The following EIF2B3 variants were observed in gnomAD, a reference collection of about 807,000 sequenced individuals.
The protein encoded by EIF2B3 is eukaryotic translation initiation factor 2B subunit gamma, also known as translation initiation factor eIF2B subunit gamma.
Under a neutral mutation model 54.1 loss-of-function variants are expected in EIF2B3, and 20 were observed. The observed-to-expected ratio is 0.37, with a 90% CI of 0.26 to 0.54. EIF2B3 has a LOEUF of 0.54. EIF2B3 is among the 20% of genes least tolerant of loss of function. The pLI is 0.86. For synonymous variants in EIF2B3, 153 were observed against 188.1 expected (o/e 0.81, Z 1.52); for missense variants, 448 against 547.8 (o/e 0.82, Z 1.82).
intron 8 of EIF2B3, among the ~76,000 whole-genome samples, chr1:44,877,218 A>AAAC (rs1655221638): frequency 6.7e-6 from 1 of 150,232 alleles, no homozygotes; most frequent in Non-Finnish European, 1.5e-5. Context: ...AAAAAAAAAA[A>AAAC]AAAACACCTT....
chr1:44,920,975 C>T (rs576384354), intron 5 of EIF2B3, among the ~76,000 whole-genome samples: 138 of 152,264 alleles, frequency 9.1e-4, no homozygotes, highest in African/African-American at 3.2e-3. Flanking sequence ...AAACTGTTCT[C>T]CATAGTGGCT....
intron 10 of EIF2B3, among the ~76,000 whole-genome samples, chr1:44,861,266 G>GTT (rs1188032834): frequency 5.9e-5 from 9 of 152,292 alleles, no homozygotes; most frequent in African/African-American, 2.2e-4. Context: ...CTCCAAAAGG[G>GTT]GTAATAGGGA....
intron 3 of EIF2B3, among the ~76,000 whole-genome samples, chr1:44,946,923 G>A (rs1644108933): frequency 6.6e-6 from 1 of 152,190 alleles, no homozygotes; most frequent in Admixed American, 6.5e-5. Context: ...TTTTGATCAT[G>A]TGTGACCACA....
At chr1:44,855,828 AT>A (rs1168966203) in intron 11 of EIF2B3, among the ~76,000 whole-genome samples, 2 of 152,126 alleles carry the variant, frequency 1.3e-5, no homozygotes, top group Non-Finnish European at 2.9e-5. Flanking sequence ...AAGTGCTAGG[AT>A]TACAGGTGTG....
rs1654245941 is a variant in EIF2B3, at chr1:44,850,807, T to A, written c.*144A>T. The A allele has an allele frequency of 1.2e-6, 1 of 856,410 alleles. No homozygotes were observed. The highest frequency in any genetic ancestry group is 2.5e-5 in the East Asian group (1 of 40,350). 53.1% of individuals were successfully genotyped at this position (856,410 alleles called of 1,614,324 possible). A position where few individuals can be genotyped will look rare whatever the true frequency, so the allele number is the denominator to read the frequency against. On this transcript the variant is annotated 3_prime_UTR_variant, in exon 12 of 12. Transcript: ENST00000360403. ...GTGTACACCTGGAGCCCACCTGACA[T>A]GGAGCTTTGGACTGCTCCACAAGTC...
intron 3 of EIF2B3, among the ~76,000 whole-genome samples, chr1:44,945,598 A>G (rs1644092781): frequency 6.6e-6 from 1 of 152,130 alleles, no homozygotes; most frequent in East Asian, 1.9e-4. Context: ...TAGGAAAAAA[A>G]AAAACCCTAC....
At chr1:44,910,779 CCT>C (rs1643499021) in intron 5 of EIF2B3, among the ~76,000 whole-genome samples, 2 of 151,872 alleles carry the variant, frequency 1.3e-5, no homozygotes, top group Admixed American at 6.6e-5. Context: ...CCACACCCAG[CCT>C]CTCTCTCAGA....
chr1:44,915,078 C>A (rs1643594588), intron 5 of EIF2B3, among the ~76,000 whole-genome samples: 1 of 151,596 alleles, frequency 6.6e-6, no homozygotes, highest in Non-Finnish European at 1.5e-5. Context: ...GCAGGTAGAT[C>A]ATTTGAGGTC....
intron 4 of EIF2B3, among the ~76,000 whole-genome samples, chr1:44,934,571 C>A (rs1489962555): frequency 6.6e-6 from 1 of 151,244 alleles, no homozygotes; most frequent in Non-Finnish European, 1.5e-5. Flanking sequence ...CAGTGGTGAT[C>A]CCAGCTCACT....
At chr1:44,918,558 T>G (rs1055298336) in intron 5 of EIF2B3, among the ~76,000 whole-genome samples, 11 of 151,942 alleles carry the variant, frequency 7.2e-5, no homozygotes, top group Non-Finnish European at 1.5e-5. Flanking sequence ...CCCGGCTAAT[T>G]TTTTGTATTT....
chr1:44,931,803 C>A (rs1016313649), intron 4 of EIF2B3, among the ~76,000 whole-genome samples: 2 of 152,196 alleles, frequency 1.3e-5, no homozygotes, highest in Admixed American at 1.3e-4. Context: ...CTTTCTCAAT[C>A]TGATAACAAG....
intron 5 of EIF2B3, chr1:44,925,152 T>C (rs902881446): frequency 6.6e-6 from 1 of 152,184 alleles, no homozygotes; most frequent in African/African-American, 2.4e-5. Flanking sequence ...ATCATAGTTC[T>C]CTACCATATG....
intron 3 of EIF2B3, among the ~76,000 whole-genome samples, chr1:44,954,022 G>A (rs1275509104): frequency 2.0e-5 from 3 of 152,088 alleles, no homozygotes; most frequent in Non-Finnish European, 4.4e-5. Flanking sequence ...CAATAAGAAA[G>A]TGATCCTGCT....
chr1:44,880,140 T>C, intron 7 of EIF2B3, 132 bp from the exon 8 acceptor site: 1 of 962,230 alleles, frequency 1.0e-6, no homozygotes, highest in Non-Finnish European at 1.6e-6. Flanking sequence ...GGTCTCAAAC[T>C]CCCAGACTCA....
intron 10 of EIF2B3, among the ~76,000 whole-genome samples, chr1:44,860,768 G>C (rs572763579): frequency 3.3e-5 from 5 of 152,076 alleles, no homozygotes; most frequent in Non-Finnish European, 5.9e-5. Flanking sequence ...AATGGGAAGA[G>C]AAAAAATGGG....
chr1:44,974,314 T>C (rs541337463), intron 3 of EIF2B3, among the ~76,000 whole-genome samples: 3 of 151,286 alleles, frequency 2.0e-5, no homozygotes, highest in South Asian at 4.2e-4. Flanking sequence ...TTTCTCTCTA[T>C]ATATAAAAAA....
At chr1:44,882,577 G>A (rs1655438236) in intron 6 of EIF2B3, among the ~76,000 whole-genome samples, 1 of 151,650 alleles carries the variant, frequency 6.6e-6, no homozygotes, top group South Asian at 2.1e-4. Context: ...TGAGTGGCTG[G>A]AAAGCTGGGA....
chr1:44,926,739 A>G lies in EIF2B3; in HGVS notation c.455T>C (p.Val152Ala). Residue 152 changes from valine (V) to alanine (A), a missense_variant and splice_region_variant, in exon 5 of 12, where the codon GTG (valine) becomes GCG (alanine). By Grantham distance (64) the Val-to-Ala change is moderately conservative. Transcript: ENST00000360403. ...VPGQKGKKKA[V>A]EQRDFIGVDS... ...CACTCCAATGAAGTCACGCTGCTCC[A>G]CTGAATCATACAAAAGAAAAAAAAA... The G allele has an allele frequency of 6.2e-7, 1 of 1,612,544 alleles. No individual in the cohort carries two copies. Among genetic ancestry groups the G allele is most frequent in the South Asian group, 1.1e-5 (1 of 91,072 alleles).
At chr1:44,919,334 AC>A (rs1341393556) in intron 5 of EIF2B3, among the ~76,000 whole-genome samples, 2 of 149,878 alleles carry the variant, frequency 1.3e-5, no homozygotes, top group Non-Finnish European at 3.0e-5. Flanking sequence ...TGGGCAACAG[AC>A]TGAGACTCCC....
Sources: gnomAD v4.1 joint callset for allele counts (sites outside exome capture counted in the v4.1 genomes callset) on GRCh38, gnomAD v4.1.1 for gene constraint, MANE v1.5 for transcripts, NCBI Gene and HGNC (gene_info 2026-07-23, HGNC 2026-07-21) for gene names.